The following NKAIN3 variants were observed in gnomAD, a reference collection of about 807,000 sequenced individuals.
The protein encoded by NKAIN3 is sodium/potassium transporting ATPase interacting 3.
Under a neutral mutation model 30.2 loss-of-function variants are expected in NKAIN3, and 25 were observed. The ratio of observed to expected loss-of-function variants is 0.83; its 90% CI spans 0.60 to 1.16. NKAIN3 has a LOEUF of 1.16. Among genes scored for constraint, NKAIN3 ranks in the 50% most tolerant of loss-of-function variants. NKAIN3 has a pLI of 0.00. For missense variants in NKAIN3, 225 were observed against 254.1 expected, an observed-to-expected ratio of 0.89 and a Z score of 0.78; for synonymous variants, 91 against 89.6, an observed-to-expected ratio of 1.02 and a Z score of -0.09.
Position 62,778,516 on chromosome 8 carries a change from T to G in NKAIN3, c.471+31387T>G, listed in dbSNP as rs1198568550. Among the ~76,000 whole-genome samples, 7 of 152,080 alleles carry G rather than the reference T, an allele frequency of 4.6e-5. No homozygotes were observed. The East Asian group carries it at 1.4e-3, about 29-fold the overall frequency. On this transcript the variant is annotated intron_variant, in intron 4 of 6. Transcript: ENST00000623646. ...CCACAGGTTCACAACAAATATTGTC[T>G]GGCTACTGCCAATGTTCACTCAAAA...
chr8:62,551,561 G>C (rs1264655072), intron 1 of NKAIN3, among the ~76,000 whole-genome samples: 1 of 152,186 alleles, frequency 6.6e-6, no homozygotes, highest in Non-Finnish European at 1.5e-5. Flanking sequence ...GCTCGCCCCT[G>C]ACTTACAAAC....
chr8:62,756,170 C>T (rs1313440042), intron 4 of NKAIN3, among the ~76,000 whole-genome samples: 1 of 152,136 alleles, frequency 6.6e-6, no homozygotes, highest in Non-Finnish European at 1.5e-5. Flanking sequence ...ATATGTGCAA[C>T]CATCACCATG....
At chr8:62,914,724 A>T (rs557108243) in intron 4 of NKAIN3, among the ~76,000 whole-genome samples, 1 of 151,104 alleles carries the variant, frequency 6.6e-6, no homozygotes, top group South Asian at 2.1e-4. Context: ...TACTTCATAC[A>T]TTAAAACTTA....
At position 62,974,205 on chromosome 8, in the gene NKAIN3, T is replaced by A. The variant is rs1823895810; in HGVS notation, c.*8798T>A. Among the ~76,000 whole-genome samples the A allele has an allele frequency of 6.6e-6, 1 of 152,134 alleles. No individual in the cohort carries two copies. The highest frequency in any genetic ancestry group is 6.6e-5 in the Admixed American group (1 of 15,254). ...GTTTTTTCTAATTCTGTGAAGAAAA[T>A]CAATGTTAGTTTGATGGGAATAGCA... On this transcript the variant is annotated 3_prime_UTR_variant, in exon 7 of 7. Transcript: ENST00000623646.
At chr8:62,335,004 C>T (rs1387698814) in intron 1 of NKAIN3, among the ~76,000 whole-genome samples, 1 of 152,046 alleles carries the variant, frequency 6.6e-6, no homozygotes, top group Non-Finnish European at 1.5e-5. Context: ...CAAACTGGCA[C>T]AGCATAGCTT....
At chr8:62,903,022 G>T (rs1821659341) in intron 4 of NKAIN3, among the ~76,000 whole-genome samples, 1 of 152,184 alleles carries the variant, frequency 6.6e-6, no homozygotes. Flanking sequence ...GTCACTGAAA[G>T]TCTTATCTTT....
chr8:62,442,757 A>G (rs1043674213), intron 1 of NKAIN3, among the ~76,000 whole-genome samples: 2 of 151,844 alleles, frequency 1.3e-5, no homozygotes, highest in East Asian at 3.9e-4. Context: ...TATGCCCTCA[A>G]TTGTTGATAT....
intron 1 of NKAIN3, among the ~76,000 whole-genome samples, chr8:62,342,462 C>A (rs1004073606): frequency 6.6e-6 from 1 of 151,962 alleles, no homozygotes; most frequent in African/African-American, 2.4e-5. Flanking sequence ...GCAATAGAAA[C>A]CTTTTAAATC....
At position 62,451,261 on chromosome 8, in the gene NKAIN3, CCTCTTCTCTT is replaced by C. The variant is rs200257243; in HGVS notation, c.55-128268_55-128259del. Among the ~76,000 whole-genome samples, 13 of 150,948 alleles carry C rather than the reference CCTCTTCTCTT, an allele frequency of 8.6e-5. No individual in the cohort carries two copies. The South Asian group carries it at 2.3e-3, about 27-fold the overall frequency. On this transcript the variant is annotated intron_variant, in intron 1 of 6. Transcript: ENST00000623646. Reference sequence around the variant, plus strand: ...TCTTCTCTCTCTTCTCTTCTCTTCTCCTCTTCTCTTCTCTTCTCTCCCCTTCCCTCCCCTC... The same window carrying C: ...TCTTCTCTCTCTTCTCTTCTCTTCTCCTCTTCTCTCCCCTTCCCTCCCCTC...
chr8:62,264,211 C>G lies in NKAIN3; in HGVS notation c.54+15084C>G, dbSNP rs373046358. Among the ~76,000 whole-genome samples the G allele has an allele frequency of 7.9e-5, 12 of 152,236 alleles. No individual in the cohort carries two copies. In the East Asian group the frequency reaches 9.7e-4, roughly 12 times the overall value. ...GGTGGATTATTTGCCTCCTAAGGAG[C>G]TGTCTCAGAATGTTGAAAGGAATAT... On this transcript the variant is annotated intron_variant, in intron 1 of 6. Transcript: ENST00000623646.
rs1051658548 is a variant in NKAIN3, at chr8:62,975,862, C to T, written c.*10455C>T. Among the ~76,000 whole-genome samples the T allele has an allele frequency of 3.3e-5, 5 of 152,190 alleles. No homozygotes were observed. The highest frequency in any genetic ancestry group is 1.2e-4 in the African/African-American group (5 of 41,458). ...TAAGCACTCCCTCTAAGCTCTATCC[C>T]AGAGATTCTGGTACATTGTGTCTTT... On this transcript the variant is annotated 3_prime_UTR_variant, in exon 7 of 7. Coordinates refer to ENST00000623646, the MANE Select transcript of NKAIN3 (RefSeq NM_001304533.3).
chr8:62,630,619 A>G (rs1811927227), intron 3 of NKAIN3, among the ~76,000 whole-genome samples: 1 of 152,152 alleles, frequency 6.6e-6, no homozygotes, highest in African/African-American at 2.4e-5. Flanking sequence ...CCTCTACTCC[A>G]GTTCTTCCAT....
At chr8:62,326,351 C>T (rs1585683308) in intron 1 of NKAIN3, among the ~76,000 whole-genome samples, 1 of 151,736 alleles carries the variant, frequency 6.6e-6, no homozygotes, top group African/African-American at 2.4e-5. Flanking sequence ...TTGTTACATT[C>T]GTTACATTTT....
intron 4 of NKAIN3, among the ~76,000 whole-genome samples, chr8:62,810,616 A>C (rs1326298700): frequency 7.1e-6 from 1 of 139,874 alleles, no homozygotes; most frequent in East Asian, 2.2e-4. Flanking sequence ...TGTATGCATG[A>C]TTGTAAGTAT....
At chr8:62,874,631 C>T (rs1820740201) in intron 4 of NKAIN3, among the ~76,000 whole-genome samples, 1 of 152,230 alleles carries the variant, frequency 6.6e-6, no homozygotes, top group Non-Finnish European at 1.5e-5. Context: ...ATCAAGTTGG[C>T]TTCATCCCTG....
chr8:62,478,805 C>T (rs1806604356), intron 1 of NKAIN3, among the ~76,000 whole-genome samples: 1 of 152,118 alleles, frequency 6.6e-6, no homozygotes, highest in Non-Finnish European at 1.5e-5. Context: ...TCTAAAACTT[C>T]CCACACAATT....
intron 5 of NKAIN3, 43 bp from the exon 6 acceptor site, chr8:62,953,859 A>G (rs1823349403): frequency 3.3e-6 from 2 of 604,722 alleles, no homozygotes; most frequent in Non-Finnish European, 2.1e-6. Flanking sequence ...TATTATGTGT[A>G]TTTTTTACAC....
intron 2 of NKAIN3, among the ~76,000 whole-genome samples, chr8:62,586,908 T>G (rs1278035803): frequency 1.3e-5 from 2 of 152,052 alleles, no homozygotes; most frequent in Non-Finnish European, 2.9e-5. Context: ...AGTGATTTTT[T>G]TCTTATATTG....
intron 1 of NKAIN3, among the ~76,000 whole-genome samples, chr8:62,309,536 T>C (rs1814359796): frequency 6.6e-6 from 1 of 150,430 alleles, no homozygotes; most frequent in African/African-American, 2.5e-5. Context: ...TTCTAAGTTA[T>C]ATTTCAAAGG....
Sources: gnomAD v4.1 joint callset for allele counts (sites outside exome capture counted in the v4.1 genomes callset) on GRCh38, gnomAD v4.1.1 for gene constraint, MANE v1.5 for transcripts, NCBI Gene and HGNC (gene_info 2026-07-23, HGNC 2026-07-21) for gene names.